CTNNA3: variants seen among roughly 807,000 people sequenced by gnomAD.
CTNNA3 encodes the protein catenin alpha-3.
In CTNNA3, 76 loss-of-function variants were observed where a neutral mutation model predicts 95.7. That is an observed-to-expected ratio of 0.79 (90% CI 0.66 to 0.96). The LOEUF (loss-of-function observed/expected upper bound fraction) is 0.96, where lower values mean the gene tolerates loss of function less well. Among genes scored for constraint, CTNNA3 ranks in the 40% least tolerant of loss-of-function variants. The probability of loss-of-function intolerance (pLI) is 0.00; values close to 1 mark genes in which losing one functional copy is unlikely to be tolerated. For missense variants in CTNNA3, 1,191 were observed against 1,089.8 expected (o/e 1.09, Z -1.31); for synonymous variants, 431 against 374.4 (o/e 1.15, Z -1.74).
intron 13 of CTNNA3, among the ~76,000 whole-genome samples, chr10:66,273,891 T>C (rs1294701477): frequency 6.6e-6 from 1 of 151,320 alleles, no homozygotes. Context: ...CCTGGGACCC[T>C]AGACTGTGAA....
rs556181079 is a variant in CTNNA3, at chr10:67,742,374, A to C, written c.-2+21060T>G. Among the ~76,000 whole-genome samples the C allele has an allele frequency of 2.6e-5, 4 of 151,434 alleles. No individual in the cohort carries two copies. In the Admixed American group the frequency reaches 2.6e-4, roughly 10 times the overall value. On this transcript the variant is annotated intron_variant, in intron 1 of 17. Transcript: ENST00000684154. ...ACTCAAAACCACTCAACTACATGGA[A>C]ACTGAACAACCCGCTCCTGAATGAC...
At chr10:66,391,102 G>T (rs1394700892) in intron 11 of CTNNA3, among the ~76,000 whole-genome samples, 1 of 151,932 alleles carries the variant, frequency 6.6e-6, no homozygotes, top group Non-Finnish European at 1.5e-5. Context: ...CAAAAGTTTT[G>T]TTAAACTTTA....
At chr10:67,577,883 G>A (rs973059547) in intron 3 of CTNNA3, among the ~76,000 whole-genome samples, 1 of 150,160 alleles carries the variant, frequency 6.7e-6, no homozygotes, top group African/African-American at 2.5e-5. Flanking sequence ...TGGATGGCTG[G>A]ATGCAATGGT....
chr10:67,434,333 A>G (rs967726173), intron 5 of CTNNA3, among the ~76,000 whole-genome samples: 2 of 152,018 alleles, frequency 1.3e-5, no homozygotes, highest in Admixed American at 6.6e-5. Context: ...ACTAAATAGG[A>G]TAAGGTCCAT....
chr10:66,319,105 C>T (rs1228915173), intron 12 of CTNNA3, among the ~76,000 whole-genome samples: 1 of 151,898 alleles, frequency 6.6e-6, no homozygotes, highest in Non-Finnish European at 1.5e-5. Flanking sequence ...GGTCAAGTTG[C>T]TTAGCTCTTC....
At chr10:66,343,313 T>C (rs957374726) in intron 12 of CTNNA3, among the ~76,000 whole-genome samples, 1 of 152,014 alleles carries the variant, frequency 6.6e-6, no homozygotes, top group African/African-American at 2.4e-5. Flanking sequence ...AGGCAAGACA[T>C]GAAATCAACC....
chr10:66,865,318 T>C lies in CTNNA3; in HGVS notation c.1048-89794A>G, dbSNP rs188899567. ...ACCATATTTTATGCAAGCTACATAG[T>C]AGAAATACGGTCAGAGTACGTATTT... On this transcript the variant is annotated intron_variant, in intron 7 of 17. Transcript: ENST00000433211. 7.9e-5 allele frequency among the ~76,000 whole-genome samples: 12 copies of C among 152,016 alleles called. No individual in the cohort carries two copies. The South Asian group carries it at 2.5e-3, about 32-fold the overall frequency.
At chr10:66,676,630 G>A (rs1846866514) in intron 9 of CTNNA3, among the ~76,000 whole-genome samples, 1 of 151,934 alleles carries the variant, frequency 6.6e-6, no homozygotes, top group African/African-American at 2.4e-5. Flanking sequence ...TATGGTCCTA[G>A]GACTCAGGAG....
intron 2 of CTNNA3, among the ~76,000 whole-genome samples, chr10:67,614,036 C>G (rs1843564030): frequency 6.6e-6 from 1 of 152,092 alleles, no homozygotes; most frequent in African/African-American, 2.4e-5. Context: ...AAGAACAACA[C>G]TTCCACAGCA....
At chr10:66,200,307 G>A (rs897790676) in intron 13 of CTNNA3, among the ~76,000 whole-genome samples, 1 of 151,988 alleles carries the variant, frequency 6.6e-6, no homozygotes, top group Non-Finnish European at 1.5e-5. Context: ...ATAAACTCCA[G>A]TGAGAAATGG....
intron 5 of CTNNA3, among the ~76,000 whole-genome samples, chr10:67,439,347 G>A (rs1050213189): frequency 4.6e-5 from 7 of 152,114 alleles, no homozygotes; most frequent in Admixed American, 4.6e-4. Context: ...ATCAGCATCA[G>A]GAAACATGAT....
intron 7 of CTNNA3, among the ~76,000 whole-genome samples, chr10:67,151,248 T>G (rs1861079228): frequency 1.3e-5 from 2 of 152,160 alleles, no homozygotes; most frequent in South Asian, 4.1e-4. Context: ...TAAATGTCAA[T>G]ATGCCTTTTT....
At chr10:66,992,546 T>A (rs182708333) in intron 7 of CTNNA3, among the ~76,000 whole-genome samples, 2,709 of 152,204 alleles carry the variant, frequency 0.018, 25 homozygotes, top group African/African-American at 0.026. Flanking sequence ...ACTTTTTTTT[T>A]AATGGCAACA....
intron 13 of CTNNA3, among the ~76,000 whole-genome samples, chr10:66,197,183 A>C (rs1284861743): frequency 6.6e-6 from 1 of 150,688 alleles, no homozygotes; most frequent in Non-Finnish European, 1.5e-5. Context: ...GTTTTTTTAC[A>C]TAAAAGAGAA....
intron 7 of CTNNA3, among the ~76,000 whole-genome samples, chr10:67,158,753 C>T (rs917256445): frequency 2.0e-5 from 3 of 151,820 alleles, no homozygotes; most frequent in African/African-American, 7.3e-5. Flanking sequence ...TGTACTTCTT[C>T]AAATGATAAA....
At chr10:66,604,844 C>T (rs1466375535) in intron 10 of CTNNA3, among the ~76,000 whole-genome samples, 2 of 150,484 alleles carry the variant, frequency 1.3e-5, no homozygotes, top group South Asian at 4.2e-4. Context: ...AAACATTAGT[C>T]CACAAAGATG....
chr10:67,643,033 G>A (rs548483345), intron 2 of CTNNA3, among the ~76,000 whole-genome samples: 1 of 152,244 alleles, frequency 6.6e-6, no homozygotes, highest in South Asian at 2.1e-4. Context: ...CATGTTCACT[G>A]CAGCACTATT....
intron 6 of CTNNA3, among the ~76,000 whole-genome samples, chr10:67,180,986 A>G (rs1048606888): frequency 6.6e-6 from 1 of 152,186 alleles, no homozygotes; most frequent in Non-Finnish European, 1.5e-5. Context: ...ATGAGGAAGT[A>G]GGCAGCAAAG....
At chr10:66,355,523 T>G (rs1162496685) in intron 12 of CTNNA3, among the ~76,000 whole-genome samples, 1 of 152,036 alleles carries the variant, frequency 6.6e-6, no homozygotes, top group Admixed American at 6.6e-5. Flanking sequence ...TCTCTTTTAA[T>G]TGATTGTAAT....
Sources: allele counts gnomAD v4.1 joint callset (sites outside exome capture counted in the v4.1 genomes callset), GRCh38; gene constraint gnomAD v4.1.1; transcripts MANE v1.5; gene names NCBI Gene and HGNC (gene_info 2026-07-23, HGNC 2026-07-21).